Variants in CNBD1 observed in about 807,000 individuals in gnomAD.
CNBD1 encodes the protein cyclic nucleotide binding domain containing 1.
In CNBD1, 71 loss-of-function variants were observed where a neutral mutation model predicts 54.4. The ratio of observed to expected loss-of-function variants is 1.30; its 90% CI spans 1.08 to 1.59. The LOEUF is 1.59. Among genes scored for constraint, CNBD1 ranks in the 40% most tolerant of loss-of-function variants. The pLI is 0.00. For synonymous variants in CNBD1, 182 were observed against 170.7 expected (o/e 1.07, Z -0.51); for missense variants, 659 against 518.0 (o/e 1.27, Z -2.64).
chr8:87,003,083 A>G (rs1809026423), intron 4 of CNBD1, among the ~76,000 whole-genome samples: 1 of 152,140 alleles, frequency 6.6e-6, no homozygotes, highest in Admixed American at 6.6e-5. Flanking sequence ...TTCATTTTGG[A>G]AGAAGTCCAG....
intron 8 of CNBD1, among the ~76,000 whole-genome samples, chr8:87,300,023 A>G (rs1469374613): frequency 6.6e-6 from 1 of 152,182 alleles, no homozygotes; most frequent in Non-Finnish European, 1.5e-5. Context: ...TGAAAGGGAA[A>G]CATGAAGAGT....
chr8:87,327,717 AG>A (rs912461863), intron 8 of CNBD1, among the ~76,000 whole-genome samples: 78 of 152,166 alleles, frequency 5.1e-4, no homozygotes, highest in African/African-American at 1.7e-3. Flanking sequence ...CTTCCTAGTG[AG>A]ATGAACCCGG....
intron 5 of CNBD1, among the ~76,000 whole-genome samples, chr8:87,210,827 G>T (rs750685159): frequency 3.9e-5 from 6 of 152,178 alleles, no homozygotes; most frequent in Non-Finnish European, 5.9e-5. Context: ...TTATGCAAAA[G>T]GGAAATGTGG....
At chr8:87,367,750 G>A (rs1027878056) in intron 10 of CNBD1, among the ~76,000 whole-genome samples, 1 of 152,086 alleles carries the variant, frequency 6.6e-6, no homozygotes, top group East Asian at 1.9e-4. Context: ...GAAAGATTAA[G>A]TGATATCAAT....
At chr8:87,068,660 A>G (rs1810702760) in intron 4 of CNBD1, among the ~76,000 whole-genome samples, 1 of 152,102 alleles carries the variant, frequency 6.6e-6, no homozygotes, top group Non-Finnish European at 1.5e-5. Flanking sequence ...ATCAGAGGAA[A>G]GATAATTTGT....
At chr8:86,923,645 C>A (rs992907659) in intron 3 of CNBD1, among the ~76,000 whole-genome samples, 1 of 152,190 alleles carries the variant, frequency 6.6e-6, no homozygotes, top group Non-Finnish European at 1.5e-5. Flanking sequence ...CTCCAGACCC[C>A]ATTCTCCTGC....
intron 8 of CNBD1, among the ~76,000 whole-genome samples, chr8:87,336,402 C>A: frequency 6.6e-6 from 1 of 151,958 alleles, no homozygotes; most frequent in East Asian, 1.9e-4. Flanking sequence ...TTCCTTTTCC[C>A]CTTTTTTCCT....
intron 3 of CNBD1, among the ~76,000 whole-genome samples, chr8:86,926,737 C>A (rs765951929): frequency 6.6e-6 from 1 of 152,122 alleles, no homozygotes; most frequent in Non-Finnish European, 1.5e-5. Context: ...GGAGAGTCAC[C>A]GCTGCCAAAG....
chr8:86,896,222 A>T (rs954791540), intron 2 of CNBD1, among the ~76,000 whole-genome samples: 8 of 152,064 alleles, frequency 5.3e-5, no homozygotes, highest in African/African-American at 1.9e-4. Context: ...ATTATTTTTT[A>T]AAAATTATTT....
intron 1 of CNBD1, among the ~76,000 whole-genome samples, chr8:86,886,738 G>A (rs1269497973): frequency 6.6e-6 from 1 of 152,100 alleles, no homozygotes; most frequent in African/African-American, 2.4e-5. Flanking sequence ...TTAAACCACT[G>A]ATTTTCTCAA....
chr8:87,255,981 A>ATG (rs1190241583), intron 6 of CNBD1, among the ~76,000 whole-genome samples: 200 of 9,444 alleles, frequency 0.021, 2 homozygotes, highest in Non-Finnish European at 0.027. Flanking sequence ...AAATATATAT[A>ATG]TATATATATA....
chr8:87,136,358 G>A (rs1024668835), intron 4 of CNBD1, among the ~76,000 whole-genome samples: 3 of 150,302 alleles, frequency 2.0e-5, no homozygotes, highest in Non-Finnish European at 3.0e-5. Flanking sequence ...AATAACACAT[G>A]TAATTACTTT....
In CNBD1 at chr8:87,184,372, T is replaced by G. The variant is rs531410437; in HGVS notation, c.432-21621T>G. Among the ~76,000 whole-genome samples the G allele has an allele frequency of 4.6e-5, 7 of 152,274 alleles. No homozygotes were observed. The South Asian group carries it at 1.2e-3, about 27-fold the overall frequency. On this transcript the variant is annotated intron_variant, in intron 4 of 10. Transcript: ENST00000518476. The stretch of plus-strand genomic sequence containing the variant: ...ACTGACCGCATGGGAAAGACAGCCC[T>G]GCTCTCTGCAGGCCCAGCTGCTAAT...
intron 8 of CNBD1, among the ~76,000 whole-genome samples, chr8:87,286,878 G>T (rs1808710096): frequency 6.6e-6 from 1 of 151,920 alleles, no homozygotes; most frequent in Non-Finnish European, 1.5e-5. Context: ...GTGGTCTCAG[G>T]ACTAACCTTA....
At chr8:87,256,015 A>ATATATTT (rs1563526157) in intron 6 of CNBD1, among the ~76,000 whole-genome samples, 1 of 15,786 alleles carries the variant, frequency 6.3e-5, no homozygotes, top group African/African-American at 2.8e-4. Context: ...ATATATATAT[A>ATATATTT]TTTTTTTTTT....
intron 8 of CNBD1, among the ~76,000 whole-genome samples, chr8:87,299,580 T>C (rs1267351922): frequency 1.3e-5 from 2 of 152,312 alleles, no homozygotes; most frequent in Non-Finnish European, 2.9e-5. Context: ...AAATCATAGA[T>C]TAAATGGATT....
At chr8:87,020,405 C>T (rs1809460840) in intron 4 of CNBD1, among the ~76,000 whole-genome samples, 1 of 152,210 alleles carries the variant, frequency 6.6e-6, no homozygotes, top group African/African-American at 2.4e-5. Flanking sequence ...ATGACCAAAT[C>T]AAACACCCCT....
intron 10 of CNBD1, among the ~76,000 whole-genome samples, chr8:87,376,360 T>C (rs1810936136): frequency 6.6e-6 from 1 of 151,854 alleles, no homozygotes; most frequent in African/African-American, 2.4e-5. Context: ...ACAAGGGTAC[T>C]AATTCCTAAG....
chr8:87,275,611 A>G (rs1469552135), intron 6 of CNBD1, among the ~76,000 whole-genome samples: 1 of 151,666 alleles, frequency 6.6e-6, no homozygotes, highest in African/African-American at 2.4e-5. Context: ...CCCACAGCCA[A>G]TATCATACTG....
Sources: gnomAD v4.1 joint callset for allele counts (sites outside exome capture counted in the v4.1 genomes callset) on GRCh38, gnomAD v4.1.1 for gene constraint, MANE v1.5 for transcripts, NCBI Gene and HGNC (gene_info 2026-07-23, HGNC 2026-07-21) for gene names.